The following LMO7 variants were observed in gnomAD, a reference collection of about 807,000 sequenced individuals.
LMO7 encodes the protein LIM domain only protein 7.
A neutral mutation model predicts 206.5 loss-of-function variants in LMO7; 120 were observed. The ratio of observed to expected loss-of-function variants is 0.58; its 90% confidence interval spans 0.50 to 0.68. LMO7 has a LOEUF of 0.68. LMO7 is among the 30% of genes least tolerant of loss of function. The pLI, the probability that LMO7 is intolerant of heterozygous loss-of-function variation, is 0.00. For synonymous variants in LMO7, 706 were observed against 681.5 expected (o/e 1.04, Z -0.56); for missense variants, 1,959 against 1,957.9 (o/e 1.00, Z -0.01).
chr13:75,786,883 A>G lies in LMO7; in HGVS notation c.318-8518A>G, dbSNP rs76889000. On this transcript the variant is annotated intron_variant, in intron 4 of 30. Transcript: ENST00000377534. ...CTTAACATGTCTAAAACCAAAGCCTACTATTTTCATTGCTGCAGTTACCTA... is the reference window on the plus strand; with the variant it reads ...CTTAACATGTCTAAAACCAAAGCCTGCTATTTTCATTGCTGCAGTTACCTA... 5.4e-3 allele frequency among the ~76,000 whole-genome samples: 819 copies of G among 152,272 alleles called. 15 individuals are homozygous for G. Among genetic ancestry groups the G allele is most frequent in the East Asian group, 0.046 (240 of 5,172 alleles).
At chr13:75,856,807 G>C (rs898686514) in intron 30 of LMO7, 199 bp downstream of exon 30, 6 of 486,442 alleles carry the variant, frequency 1.2e-5, no homozygotes, top group Non-Finnish European at 2.2e-5. Flanking sequence ...ACACAGGAGT[G>C]GGTTGTGGGG....
intron 13 of LMO7, among the ~76,000 whole-genome samples, chr13:75,820,343 C>G (rs2057450621): frequency 6.6e-6 from 1 of 152,168 alleles, no homozygotes; most frequent in African/African-American, 2.4e-5. Flanking sequence ...CATGCAAGTT[C>G]TGTCAAGCTA....
At chr13:75,715,291 T>C (rs564106870) in intron 2 of LMO7, among the ~76,000 whole-genome samples, 2 of 152,318 alleles carry the variant, frequency 1.3e-5, no homozygotes, top group South Asian at 4.1e-4. Context: ...GATGAAAAAC[T>C]ATTGTGAGCA....
At chr13:75,639,110 A>G (rs2036258952) in intron 1 of LMO7, among the ~76,000 whole-genome samples, 1 of 152,158 alleles carries the variant, frequency 6.6e-6, no homozygotes, top group Non-Finnish European at 1.5e-5. Flanking sequence ...TTGAATGATG[A>G]CTGGACTCCA....
intron 1 of LMO7, among the ~76,000 whole-genome samples, chr13:75,692,257 C>T (rs2041548543): frequency 6.6e-6 from 1 of 152,184 alleles, no homozygotes; most frequent in South Asian, 2.1e-4. Flanking sequence ...TACCCAGGCC[C>T]TAGTTCTGCA....
At chr13:75,661,986 T>C (rs907604745) in intron 1 of LMO7, among the ~76,000 whole-genome samples, 16 of 152,228 alleles carry the variant, frequency 1.1e-4, no homozygotes, top group African/African-American at 3.9e-4. Context: ...TTATTTGCCA[T>C]TTTTAATTTT....
intron 10 of LMO7, among the ~76,000 whole-genome samples, chr13:75,808,707 C>T (rs1012417746): frequency 2.6e-5 from 4 of 152,026 alleles, no homozygotes; most frequent in South Asian, 2.1e-4. Context: ...TCAGAGTAAA[C>T]GTTGATGTTA....
intron 2 of LMO7, among the ~76,000 whole-genome samples, chr13:75,724,446 T>C (rs2044288487): frequency 6.6e-6 from 1 of 152,154 alleles, no homozygotes; most frequent in South Asian, 2.1e-4. Flanking sequence ...TAGAGGTATC[T>C]GGAAGGTTAT....
At chr13:75,752,038 A>T (rs143917205) in intron 3 of LMO7, among the ~76,000 whole-genome samples, 1 of 152,186 alleles carries the variant, frequency 6.6e-6, no homozygotes, top group Non-Finnish European at 1.5e-5. Context: ...AAATGATTCA[A>T]TGTATAAGAG....
chr13:75,835,173 C>G, intron 17 of LMO7, 60 bp from the exon 18 acceptor site: 1 of 1,598,484 alleles, frequency 6.3e-7, no homozygotes. Flanking sequence ...GACCAACCTT[C>G]CCTGCCATTT....
intron 7 of LMO7, among the ~76,000 whole-genome samples, chr13:75,801,169 G>A (rs1166486880): frequency 6.6e-6 from 1 of 151,112 alleles, no homozygotes; most frequent in Non-Finnish European, 1.5e-5. Context: ...TCCAGATTCA[G>A]GCTTAATTTG....
intron 3 of LMO7, among the ~76,000 whole-genome samples, chr13:75,756,496 G>T (rs1265689789): frequency 6.6e-6 from 1 of 152,152 alleles, no homozygotes; most frequent in Non-Finnish European, 1.5e-5. Context: ...GTGGCACCAA[G>T]AATCCAGAGG....
intron 3 of LMO7, among the ~76,000 whole-genome samples, chr13:75,741,155 T>C (rs981440184): frequency 4.6e-5 from 7 of 152,220 alleles, no homozygotes; most frequent in Non-Finnish European, 1.5e-5. Context: ...ATATTTTTAT[T>C]TCAAAGGGAG....
upstream of LMO7, among the ~76,000 whole-genome samples, chr13:75,635,395 G>GA (rs1202568747): frequency 1.3e-5 from 2 of 152,042 alleles, no homozygotes; most frequent in African/African-American, 4.8e-5. Context: ...GCACTGGTGT[G>GA]AAAAAGACCC....
intron 6 of LMO7, among the ~76,000 whole-genome samples, chr13:75,798,009 C>T (rs1173266706): frequency 6.6e-6 from 1 of 152,130 alleles, no homozygotes; most frequent in Non-Finnish European, 1.5e-5. Flanking sequence ...GGAGGAATTT[C>T]AGGGGGCTTT....
chr13:75,767,608 T>G (rs896137849), intron 4 of LMO7, among the ~76,000 whole-genome samples: 1 of 152,078 alleles, frequency 6.6e-6, no homozygotes, highest in African/African-American at 2.4e-5. Flanking sequence ...GACTTTGGCA[T>G]AACTAGAAAA....
At chr13:75,651,881 TC>T (rs1248681041) in intron 1 of LMO7, among the ~76,000 whole-genome samples, 1 of 152,140 alleles carries the variant, frequency 6.6e-6, no homozygotes, top group African/African-American at 2.4e-5. Context: ...AGGATAACTT[TC>T]TTGAAAGCCC....
At position 75,751,932 on chromosome 13, in the gene LMO7, T is replaced by G. The variant is rs1397945467; in HGVS notation, c.211-9000T>G. ...TGAAATTTTATCAAATATATATTTTTTGATCCTTCAAGTAAAAGTGAAAGT... is the reference window on the plus strand; with the variant it reads ...TGAAATTTTATCAAATATATATTTTGTGATCCTTCAAGTAAAAGTGAAAGT... On this transcript the variant is annotated intron_variant, in intron 3 of 30. Coordinates refer to ENST00000377534, the MANE Select transcript of LMO7 (RefSeq NM_001306080.2). Among the ~76,000 whole-genome samples the G allele has an allele frequency of 2.6e-5, 4 of 152,148 alleles. No homozygotes were observed. The East Asian group carries it at 7.7e-4, about 29-fold the overall frequency.
intron 1 of LMO7, among the ~76,000 whole-genome samples, chr13:75,702,770 C>T (rs775807738): frequency 4.4e-4 from 67 of 152,268 alleles, no homozygotes; most frequent in Non-Finnish European, 7.4e-4. Flanking sequence ...TGCACCATGT[C>T]AGGTATGTAT....
Sources: allele counts gnomAD v4.1 joint callset (sites outside exome capture counted in the v4.1 genomes callset), GRCh38; gene constraint gnomAD v4.1.1; transcripts MANE v1.5; gene names NCBI Gene and HGNC (gene_info 2026-07-23, HGNC 2026-07-21).